The following GFRA1 variants were observed in gnomAD, a reference collection of about 807,000 sequenced individuals.
GFRA1 encodes GDNF family receptor alpha-1.
GFRA1 carries 16 observed loss-of-function variants against 51.6 expected under a neutral mutation model. The ratio of observed to expected loss-of-function variants is 0.31; its 90% confidence interval spans 0.21 to 0.47. GFRA1 has a LOEUF of 0.47. GFRA1 is among the 20% of genes least tolerant of loss of function. The probability of loss-of-function intolerance (pLI) is 1.00; values close to 1 mark genes in which losing one functional copy is unlikely to be tolerated. For synonymous variants in GFRA1, 270 were observed against 241.3 expected (o/e 1.12, Z -1.10); for missense variants, 530 against 594.3 (o/e 0.89, Z 1.13).
In GFRA1 at chr10:116,066,834, G is replaced by A. The variant is rs182932306; in HGVS notation, c.1198-1208C>T. On this transcript the variant is annotated intron_variant, in intron 9 of 10. Coordinates refer to ENST00000355422, the MANE Select transcript of GFRA1 (RefSeq NM_005264.8). ...TCAACGGGCTGAGCCCTGGTTAAGC[G>A]TTACACTTGAATCAAGGAGGACCTG... is the stretch of plus-strand genomic sequence containing the variant. Among the ~76,000 whole-genome samples, 8 of 152,334 alleles carry A rather than the reference G, an allele frequency of 5.3e-5. No homozygotes were observed. In the East Asian group the frequency reaches 7.7e-4, roughly 15 times the overall value.
intron 4 of GFRA1, among the ~76,000 whole-genome samples, chr10:116,230,939 T>C (rs1017610168): frequency 6.6e-6 from 1 of 152,076 alleles, no homozygotes; most frequent in African/African-American, 2.4e-5. Context: ...CATCCCAGTG[T>C]TCTTAGGAGA....
intron 4 of GFRA1, among the ~76,000 whole-genome samples, chr10:116,252,689 G>C (rs1968486314): frequency 6.6e-6 from 1 of 152,204 alleles, no homozygotes; most frequent in Admixed American, 6.5e-5. Flanking sequence ...CCCAGGTGCA[G>C]TGCAATGTCT....
At chr10:116,268,670 G>A (rs1969857807) in intron 4 of GFRA1, among the ~76,000 whole-genome samples, 1 of 152,056 alleles carries the variant, frequency 6.6e-6, no homozygotes, top group Non-Finnish European at 1.5e-5. Context: ...TACCCATCAC[G>A]TTTAACCACT....
intron 5 of GFRA1, among the ~76,000 whole-genome samples, chr10:116,164,563 G>C (rs1960175284): frequency 6.6e-6 from 1 of 152,150 alleles, no homozygotes; most frequent in Non-Finnish European, 1.5e-5. Context: ...AGGGTGAACG[G>C]TCTTCTGGAG....
chr10:116,132,128 A>G (rs2134054194), intron 5 of GFRA1, among the ~76,000 whole-genome samples: 1 of 152,190 alleles, frequency 6.6e-6, no homozygotes, highest in East Asian at 1.9e-4. Flanking sequence ...GGATTACTTG[A>G]GCCCAGAAGG....
At chr10:116,164,322 TA>T (rs11409663) in intron 5 of GFRA1, among the ~76,000 whole-genome samples, 75 of 146,382 alleles carry the variant, frequency 5.1e-4, no homozygotes, top group South Asian at 2.4e-3. Flanking sequence ...TGCATTTTCC[TA>T]AAAAAAAAAA....
intron 5 of GFRA1, among the ~76,000 whole-genome samples, chr10:116,185,249 C>G (rs1962595195): frequency 6.6e-6 from 1 of 151,940 alleles, no homozygotes; most frequent in Non-Finnish European, 1.5e-5. Flanking sequence ...TACCTAACCT[C>G]TCATAGCCTC....
At chr10:116,230,469 G>C (rs563867947) in intron 4 of GFRA1, among the ~76,000 whole-genome samples, 1 of 152,162 alleles carries the variant, frequency 6.6e-6, no homozygotes, top group Non-Finnish European at 1.5e-5. Flanking sequence ...GAAATTATCT[G>C]CTCCTCGTAA....
chr10:116,185,434 C>T (rs1008466640), intron 5 of GFRA1, among the ~76,000 whole-genome samples: 3 of 152,154 alleles, frequency 2.0e-5, no homozygotes, highest in Admixed American at 6.5e-5. Flanking sequence ...AACCCACTCA[C>T]CAGCTTCCAT....
At chr10:116,092,621 G>A (rs770566986) in intron 8 of GFRA1, among the ~76,000 whole-genome samples, 9 of 152,012 alleles carry the variant, frequency 5.9e-5, no homozygotes, top group Non-Finnish European at 1.0e-4. Flanking sequence ...CCTCAACATC[G>A]GGGTGAACAA....
At chr10:116,175,880 A>G (rs1961533627) in intron 5 of GFRA1, among the ~76,000 whole-genome samples, 1 of 152,194 alleles carries the variant, frequency 6.6e-6, no homozygotes, top group Non-Finnish European at 1.5e-5. Context: ...GGACCTAAGC[A>G]TGAAGTCGAA....
intron 4 of GFRA1, among the ~76,000 whole-genome samples, chr10:116,213,706 A>T (rs1036943781): frequency 3.9e-5 from 6 of 152,202 alleles, no homozygotes; most frequent in Admixed American, 2.6e-4. Context: ...TGGCTGAGAC[A>T]TGCACCTCAT....
intron 5 of GFRA1, among the ~76,000 whole-genome samples, chr10:116,193,864 T>C (rs539195369): frequency 6.6e-6 from 1 of 151,858 alleles, no homozygotes; most frequent in Non-Finnish European, 1.5e-5. Context: ...GAGACCATCC[T>C]GGCTCTCTAA....
At chr10:116,195,408 C>T (rs1197415120) in intron 5 of GFRA1, among the ~76,000 whole-genome samples, 2 of 152,168 alleles carry the variant, frequency 1.3e-5, no homozygotes, top group African/African-American at 2.4e-5. Flanking sequence ...TCGTGGAAGA[C>T]AACTTTTCCA....
chr10:116,091,950 C>G (rs1240381940), intron 8 of GFRA1, among the ~76,000 whole-genome samples: 1 of 152,190 alleles, frequency 6.6e-6, no homozygotes, highest in Non-Finnish European at 1.5e-5. Flanking sequence ...GCAGGAACAA[C>G]TTTAATTTCC....
At chr10:116,257,382 C>A (rs867005905) in intron 4 of GFRA1, among the ~76,000 whole-genome samples, 5 of 151,632 alleles carry the variant, frequency 3.3e-5, no homozygotes, top group Non-Finnish European at 5.9e-5. Context: ...TCCCTGCCCT[C>A]GGCACCTAAA....
intron 4 of GFRA1, among the ~76,000 whole-genome samples, chr10:116,267,977 T>G (rs1157787532): frequency 7.0e-6 from 1 of 142,432 alleles, no homozygotes; most frequent in Non-Finnish European, 1.5e-5. Flanking sequence ...ACACACACAC[T>G]TTTCCTCTGA....
intron 5 of GFRA1, among the ~76,000 whole-genome samples, chr10:116,128,725 CA>C (rs67642059): frequency 0.023 from 2,043 of 87,756 alleles, 13 homozygotes; most frequent in Middle Eastern, 0.035. Flanking sequence ...GACTCTGTCT[CA>C]AAAAAAAAAA....
intron 5 of GFRA1, among the ~76,000 whole-genome samples, chr10:116,136,685 C>T (rs945298701): frequency 6.6e-6 from 1 of 152,184 alleles, no homozygotes; most frequent in African/African-American, 2.4e-5. Context: ...AGCTAGTCAA[C>T]ACTTGTCCCA....
Sources: gnomAD v4.1 joint callset for allele counts (sites outside exome capture counted in the v4.1 genomes callset) on GRCh38, gnomAD v4.1.1 for gene constraint, MANE v1.5 for transcripts, NCBI Gene and HGNC (gene_info 2026-07-23, HGNC 2026-07-21) for gene names.